The following TRPM2 variants were observed in gnomAD, a reference collection of about 807,000 sequenced individuals.
TRPM2 encodes the protein estrogen-responsive element-associated gene 1 protein.
A neutral mutation model predicts 174.0 loss-of-function variants in TRPM2; 161 were observed. That is an observed-to-expected ratio of 0.93 (90% confidence interval 0.81 to 1.05). The LOEUF is 1.05. Ranked by LOEUF, TRPM2 falls within the 50% of genes least tolerant of loss-of-function variation. The pLI, the probability that TRPM2 is intolerant of heterozygous loss-of-function variation, is 0.00. For synonymous variants in TRPM2, 954 were observed against 861.3 expected (o/e 1.11, Z -1.88); for missense variants, 2,057 against 2,038.0 (o/e 1.01, Z -0.18).
At chr21:44,406,172 G>C in intron 18 of TRPM2, 135 bp downstream of exon 18, 1 of 1,177,428 alleles carries the variant, frequency 8.5e-7, no homozygotes. Flanking sequence ...TTTGCCCCTT[G>C]GGCTCCCAAG....
Position 44,405,365 on chromosome 21 carries a change from C to T in TRPM2, c.2657+105C>T, listed in dbSNP as rs79435373. 5.5e-4 allele frequency: 825 copies of T among 1,508,848 alleles called. 9 individuals carry two copies. The African/African-American group carries it at 0.01, about 18-fold the overall frequency. The allele number at this position is 1,508,848 out of a possible 1,614,324, so 93.5% of individuals were successfully genotyped here. A position where few individuals can be genotyped will look rare whatever the true frequency, so the allele number is the denominator to read the frequency against. On this transcript the variant is annotated intron_variant, in intron 17 of 31. Transcript: ENST00000397928. Reference sequence around the variant, plus strand: ...CAGCCACACCGGGTGAGGCTCAGCTCGTCTGTGAACCCTGGATTGTCATCT... The same window carrying T: ...CAGCCACACCGGGTGAGGCTCAGCTTGTCTGTGAACCCTGGATTGTCATCT...
At chr21:44,352,683 C>T (rs899245842), upstream of TRPM2, among the ~76,000 whole-genome samples, 5 of 152,274 alleles carry the variant, frequency 3.3e-5, no homozygotes, top group African/African-American at 4.8e-5. Flanking sequence ...AGGGAGGCCC[C>T]GCAGGGCTTG....
At chr21:44,425,622 C>A in intron 24 of TRPM2, 48 bp from the exon 25 acceptor site, 2 of 1,440,828 alleles carry the variant, frequency 1.4e-6, no homozygotes, top group Non-Finnish European at 1.8e-6. Context: ...CGGGCGGGCA[C>A]CTGAGCCCGG....
chr21:44,435,316 G>C, intron 28 of TRPM2, 99 bp downstream of exon 28: 1 of 1,368,222 alleles, frequency 7.3e-7, no homozygotes, highest in Non-Finnish European at 1.0e-6. Context: ...GGCCGGGAGG[G>C]CGGCTTTGAT....
chr21:44,440,615 C>T (rs2051463835), intron 30 of TRPM2, among the ~76,000 whole-genome samples, 174 bp from the exon 31 acceptor site: 1 of 152,248 alleles, frequency 6.6e-6, no homozygotes, highest in Non-Finnish European at 1.5e-5. Context: ...CCGCATTGGG[C>T]TGCTCCGCCT....
rs111588380 is a variant in TRPM2 at position 44,371,080 on chromosome 21, G to A, written c.771+1737G>A. ...GTCTATCAGATCTGGAATCCGCGTC[G>A]ATTGGCCATCATCCAGCCATCGGTG... On this transcript the variant is annotated intron_variant, in intron 5 of 31. Transcript: ENST00000397928. Among the ~76,000 whole-genome samples, 738 of 152,342 alleles carry A rather than the reference G, an allele frequency of 4.8e-3. 8 individuals are homozygous for A. The highest frequency in any genetic ancestry group is 0.016 in the African/African-American group (678 of 41,570).
chr21:44,393,501 G>A (rs1181370622), intron 11 of TRPM2, among the ~76,000 whole-genome samples: 2 of 152,032 alleles, frequency 1.3e-5, no homozygotes, highest in African/African-American at 4.8e-5. Context: ...TTTATTTGGG[G>A]GGCTATATTT....
chr21:44,359,315 G>A (rs1446199929), intron 2 of TRPM2, among the ~76,000 whole-genome samples: 2 of 152,234 alleles, frequency 1.3e-5, no homozygotes, highest in East Asian at 3.9e-4. Flanking sequence ...CAACCCAGAA[G>A]TCTAGCTGGC....
intron 13 of TRPM2, 36 bp downstream of exon 13, chr21:44,397,912 T>A (rs1349222045): frequency 1.3e-6 from 2 of 1,553,452 alleles, no homozygotes; most frequent in African/African-American, 2.7e-5. Flanking sequence ...AGGCCATGGC[T>A]CAGCCGTGCA....
rs747002257 is a variant in TRPM2, at chr21:44,414,089, G to A, written c.3146+15G>A. On this transcript the variant is annotated intron_variant, in intron 20 of 31. Transcript: ENST00000397928. ...GCCATGTTCAAGTGAGCGCCTGGGT[G>A]GGGCTGGCGTGCAGGTGGGTGGGTG... is the stretch of plus-strand genomic sequence containing the variant. 1 of 1,604,682 alleles carries A rather than the reference G, an allele frequency of 6.2e-7. No individual in the cohort carries two copies. The highest frequency in any genetic ancestry group is 2.2e-5 in the East Asian group (1 of 44,678).
At position 44,426,928 on chromosome 21, in the gene TRPM2, G is replaced by GT. The variant is rs550422313; in HGVS notation, c.3873-81dup. On this transcript the variant is annotated intron_variant, in intron 26 of 31. Coordinates refer to ENST00000397928, the MANE Select transcript of TRPM2 (RefSeq NM_003307.4). ...CTGCAGCTACTCGGCTGGGCCCTTG[G>GT]TGGGGGGGTGATCCCTCTGCCTGTC... 3.1e-4 allele frequency: 448 copies of GT among 1,451,120 alleles called. 4 individuals carry two copies. The African/African-American group carries it at 5.8e-3, about 19-fold the overall frequency. 89.9% of individuals were successfully genotyped at this position (1,451,120 alleles called of 1,614,324 possible). A position where few individuals can be genotyped will look rare whatever the true frequency, so the allele number is the denominator to read the frequency against.
At chr21:44,352,347 G>A (rs2123000741), upstream of TRPM2, among the ~76,000 whole-genome samples, 34 of 152,342 alleles carry the variant, frequency 2.2e-4, no homozygotes, top group African/African-American at 7.2e-4. Context: ...AGAGGGGGAG[G>A]TGGGGTTGCC....
chr21:44,423,778 C>G, intron 23 of TRPM2, 46 bp downstream of exon 23: 1 of 1,500,414 alleles, frequency 6.7e-7, no homozygotes, highest in East Asian at 2.3e-5. Context: ...CACTGCTGGG[C>G]CTGGTGGGCG....
At chr21:44,353,474 C>T, upstream of TRPM2, 1 of 531,200 alleles carries the variant, frequency 1.9e-6, no homozygotes, top group South Asian at 4.0e-5. Flanking sequence ...CCAAGGGACA[C>T]AGCTCAGGCA....
At position 44,401,676 on chromosome 21, in the gene TRPM2, C is replaced by T. The variant is rs369170714; in HGVS notation, c.2322-5C>T. The T allele has an allele frequency of 1.6e-5, 25 of 1,611,778 alleles. No individual in the cohort carries two copies. The highest frequency in any genetic ancestry group is 6.7e-5 in the East Asian group (3 of 44,882). On this transcript the variant is annotated splice_polypyrimidine_tract_variant and splice_region_variant and intron_variant, in intron 15 of 31. Coordinates refer to ENST00000397928, the MANE Select transcript of TRPM2 (RefSeq NM_003307.4). ...ACTGTCTCCTCTCTGCTGTGACGGC[C>T]GCAGGGAGAAGAGGCTGCAGGATGT...
In TRPM2 at chr21:44,438,936, C is replaced by T. The variant is rs1170519762; in HGVS notation, c.4168-131C>T. 2.4e-5 allele frequency: 16 copies of T among 656,146 alleles called. No individual in the cohort carries two copies. Among genetic ancestry groups the T allele is most frequent in the East Asian group, 5.7e-5 (2 of 35,228 alleles). The allele number at this position is 656,146 out of a possible 1,614,324, so 40.6% of individuals were successfully genotyped here. ...GCAATGTCACTGCAGCCTGAGATGC[C>T]GCCTGCCTGTGGCTCCCAGGGCTGG... is the stretch of plus-strand genomic sequence containing the variant. On this transcript the variant is annotated intron_variant, in intron 29 of 31. Transcript: ENST00000397928. The surrounding 1 kb of genome is among the most constrained non-coding windows in gnomAD (Gnocchi z 5.9).
chr21:44,373,201 T>C (rs2048592972), intron 5 of TRPM2, among the ~76,000 whole-genome samples: 1 of 152,086 alleles, frequency 6.6e-6, no homozygotes, highest in Admixed American at 6.5e-5. Flanking sequence ...TTTTTGTTTT[T>C]TTTTTGAGAC....
chr21:44,411,036 G>A (rs57801828), intron 19 of TRPM2, among the ~76,000 whole-genome samples: 3,153 of 150,262 alleles, frequency 0.021, 100 homozygotes, highest in African/African-American at 0.074. Flanking sequence ...CTTGGTTGGC[G>A]TAGCCTTGTA....
At chr21:44,357,782 C>G (rs147469746) in intron 2 of TRPM2, among the ~76,000 whole-genome samples, 32 of 152,302 alleles carry the variant, frequency 2.1e-4, no homozygotes, top group Non-Finnish European at 3.8e-4. Flanking sequence ...CCAAAAGCCC[C>G]GTTCCCAGAC....
Sources: gnomAD v4.1 joint callset for allele counts (sites outside exome capture counted in the v4.1 genomes callset) on GRCh38, gnomAD v4.1.1 for gene constraint, Gnocchi (gnomAD v3.1) non-coding constraint, MANE v1.5 for transcripts, NCBI Gene and HGNC (gene_info 2026-07-23, HGNC 2026-07-21) for gene names.